Variants in NEGR1 observed in about 807,000 individuals in gnomAD.
NEGR1 encodes neuronal growth regulator 1.
In NEGR1, 10 loss-of-function variants were observed where a neutral mutation model predicts 40.9. The observed-to-expected ratio is 0.24, with a 90% CI of 0.15 to 0.42. The LOEUF (loss-of-function observed/expected upper bound fraction) is 0.42, where lower values mean the gene tolerates loss of function less well. Ranked by LOEUF, NEGR1 falls within the 10% of genes least tolerant of loss-of-function variation. NEGR1 has a pLI of 1.00. For synonymous variants in NEGR1, 185 were observed against 166.8 expected (o/e 1.11, Z -0.84); for missense variants, 352 against 438.9 (o/e 0.80, Z 1.77).
chr1:71,733,010 C>T (rs1044471144), intron 3 of NEGR1, among the ~76,000 whole-genome samples: 2 of 151,540 alleles, frequency 1.3e-5, no homozygotes, highest in Non-Finnish European at 2.9e-5. Context: ...TAATGTGCAT[C>T]GTGAGTCTCC....
intron 1 of NEGR1, 65 bp from the exon 2 acceptor site, chr1:71,935,376 T>C (rs1204126602): frequency 8.5e-7 from 1 of 1,173,776 alleles, no homozygotes; most frequent in Non-Finnish European, 1.3e-6. Context: ...ATTATTTTGT[T>C]CTGAGTGTTT....
chr1:71,649,083 C>G (rs1651623943), intron 4 of NEGR1, among the ~76,000 whole-genome samples: 3 of 151,830 alleles, frequency 2.0e-5, no homozygotes, highest in African/African-American at 7.3e-5. Flanking sequence ...GTAGAAATAT[C>G]CAAGAAGCAT....
chr1:71,561,095 T>C (rs1343125131), intron 6 of NEGR1, among the ~76,000 whole-genome samples: 1 of 151,566 alleles, frequency 6.6e-6, no homozygotes, highest in African/African-American at 2.4e-5. Flanking sequence ...ATCCTAACCA[T>C]GATCATGAAA....
intron 1 of NEGR1, among the ~76,000 whole-genome samples, chr1:72,211,559 A>G (rs551298748): frequency 7.9e-5 from 12 of 151,400 alleles, no homozygotes; most frequent in Admixed American, 6.6e-4. Context: ...TAATTCATTC[A>G]TTAAGTAGAT....
intron 6 of NEGR1, among the ~76,000 whole-genome samples, chr1:71,580,161 C>T (rs1649088375): frequency 6.6e-6 from 1 of 151,958 alleles, no homozygotes; most frequent in African/African-American, 2.4e-5. Flanking sequence ...TTTGTAGGGA[C>T]ATGGATGAAA....
At chr1:71,532,461 G>A (rs527829794) in intron 6 of NEGR1, among the ~76,000 whole-genome samples, 2 of 151,674 alleles carry the variant, frequency 1.3e-5, no homozygotes, top group East Asian at 2.0e-4. Context: ...CCCTTTAGAA[G>A]CACTAAATAC....
chr1:72,135,407 A>AC (rs1650422454), intron 1 of NEGR1, among the ~76,000 whole-genome samples: 2 of 113,154 alleles, frequency 1.8e-5, no homozygotes, highest in Non-Finnish European at 3.5e-5. Flanking sequence ...CAAAAAACAA[A>AC]AAAAAAAACA....
At chr1:71,633,272 A>T (rs1651036915) in intron 4 of NEGR1, among the ~76,000 whole-genome samples, 1 of 152,110 alleles carries the variant, frequency 6.6e-6, no homozygotes, top group African/African-American at 2.4e-5. Context: ...TAGATGCCAC[A>T]GAAATTTTTT....
intron 6 of NEGR1, among the ~76,000 whole-genome samples, chr1:71,428,034 A>G (rs940364234): frequency 6.6e-6 from 1 of 152,090 alleles, no homozygotes; most frequent in African/African-American, 2.4e-5. Flanking sequence ...ACAAACACAC[A>G]CACTGTCCTT....
At chr1:71,930,376 G>C (rs1469708102) in intron 2 of NEGR1, among the ~76,000 whole-genome samples, 1 of 152,100 alleles carries the variant, frequency 6.6e-6, no homozygotes, top group African/African-American at 2.4e-5. Flanking sequence ...AACTGATTCT[G>C]TTTCTCTAGA....
At chr1:71,563,158 A>C (rs903319031) in intron 6 of NEGR1, among the ~76,000 whole-genome samples, 6 of 152,002 alleles carry the variant, frequency 3.9e-5, no homozygotes, top group Non-Finnish European at 7.4e-5. Context: ...CTTGTTCTCC[A>C]TGAAACATAT....
intron 6 of NEGR1, among the ~76,000 whole-genome samples, chr1:71,520,255 G>T (rs1348177514): frequency 1.3e-5 from 2 of 152,056 alleles, no homozygotes; most frequent in African/African-American, 2.4e-5. Context: ...CACAGTGTCT[G>T]CCACAGACTA....
chr1:71,972,357 T>C (rs1646263791), intron 1 of NEGR1, among the ~76,000 whole-genome samples: 1 of 152,088 alleles, frequency 6.6e-6, no homozygotes, highest in South Asian at 2.1e-4. Flanking sequence ...TATTGTGGGA[T>C]GGGGGGACAT....
At chr1:71,817,095 C>T (rs116615179) in intron 2 of NEGR1, among the ~76,000 whole-genome samples, 108 of 152,168 alleles carry the variant, frequency 7.1e-4, no homozygotes, top group Non-Finnish European at 1.4e-3. Flanking sequence ...AGGTTTCCGT[C>T]TCTAACATTC....
rs1308402290 is a variant in NEGR1, at chr1:71,397,727, G to A, written c.*9719C>T. 1.3e-5 allele frequency: 2 copies of A among 152,230 alleles called. No individual in the cohort carries two copies. Among genetic ancestry groups the A allele is most frequent in the African/African-American group, 4.8e-5 (2 of 41,458 alleles). 9.4% of individuals were successfully genotyped at this position (152,230 alleles called of 1,614,324 possible). ...TCCCATTTCCTGAGGAGAAATTCAA[G>A]CTGGCTGCAGAAAATTGCATAAGTA... On this transcript the variant is annotated 3_prime_UTR_variant, in exon 7 of 7. Transcript: ENST00000357731.
rs1646280483 is a variant in NEGR1, at chr1:71,406,792, A to T, written c.*654T>A. ...ATTGTAAGATTTAGCAAAACATTTT[A>T]TATTAGTTGGAGACAAAGAGAAAAA... On this transcript the variant is annotated 3_prime_UTR_variant, in exon 7 of 7. Transcript: ENST00000357731. The T allele has an allele frequency of 6.6e-6, 1 of 152,472 alleles. No individual in the cohort carries two copies. The allele number at this position is 152,472 out of a possible 1,614,324, so 9.4% of individuals were successfully genotyped here. A position where few individuals can be genotyped will look rare whatever the true frequency, so the allele number is the denominator to read the frequency against.
intron 1 of NEGR1, among the ~76,000 whole-genome samples, chr1:72,004,313 G>T (rs1646583542): frequency 1.3e-5 from 2 of 152,020 alleles, no homozygotes; most frequent in Admixed American, 6.6e-5. Flanking sequence ...AAATAATTTT[G>T]TTTGTTTTGT....
chr1:72,184,473 T>C lies in NEGR1; in HGVS notation c.176+97846A>G, dbSNP rs182959251. The stretch of plus-strand genomic sequence containing the variant: ...AAGCTCCATGAACTAAGAGAGAGTA[T>C]AATGAATTATAGCTCTGAAAAGGAA... On this transcript the variant is annotated intron_variant, in intron 1 of 6. Coordinates refer to ENST00000357731, the MANE Select transcript of NEGR1 (RefSeq NM_173808.3). Among the ~76,000 whole-genome samples, 185 of 152,078 alleles carry C rather than the reference T, an allele frequency of 1.2e-3. 1 individual carries two copies. Among genetic ancestry groups the C allele is most frequent in the Non-Finnish European group, 2.4e-3 (162 of 67,958 alleles).
intron 3 of NEGR1, among the ~76,000 whole-genome samples, chr1:71,739,199 GAAAAAAA>G (rs776411417): frequency 1.6e-5 from 1 of 63,652 alleles, no homozygotes; most frequent in Non-Finnish European, 3.4e-5. Context: ...AAGGCAGGCA[GAAAAAAA>G]AAAAAAAAAA....
Sources: gnomAD v4.1 joint callset for allele counts (sites outside exome capture counted in the v4.1 genomes callset) on GRCh38, gnomAD v4.1.1 for gene constraint, MANE v1.5 for transcripts, NCBI Gene and HGNC (gene_info 2026-07-23, HGNC 2026-07-21) for gene names.